SYT1: variants seen among roughly 807,000 people sequenced by gnomAD.
SYT1 encodes the protein synaptotagmin 1.
Under a neutral mutation model 44.8 loss-of-function variants are expected in SYT1, and 8 were observed. That is an observed-to-expected ratio of 0.18 (90% CI 0.10 to 0.32). The LOEUF is 0.32. Ranked by LOEUF, SYT1 falls within the 10% of genes least tolerant of loss-of-function variation. The pLI, the probability that SYT1 is intolerant of heterozygous loss-of-function variation, is 1.00. For missense variants in SYT1, 286 were observed against 509.3 expected (o/e 0.56, Z 4.22); for synonymous variants, 154 against 188.8 (o/e 0.82, Z 1.51).
At chr12:79,257,339 C>T (rs1401116371) in intron 4 of SYT1, among the ~76,000 whole-genome samples, 1 of 152,220 alleles carries the variant, frequency 6.6e-6, no homozygotes, top group African/African-American at 2.4e-5. Flanking sequence ...GTTTGTCGCA[C>T]AGCTAATATT....
chr12:79,398,323 T>C (rs968874712), intron 9 of SYT1, among the ~76,000 whole-genome samples: 8 of 152,226 alleles, frequency 5.3e-5, no homozygotes, highest in African/African-American at 1.7e-4. Flanking sequence ...TATTTAATAA[T>C]TGACTTGGCT....
At chr12:79,197,311 A>G (rs1297596837) in intron 3 of SYT1, among the ~76,000 whole-genome samples, 1 of 152,158 alleles carries the variant, frequency 6.6e-6, no homozygotes, top group African/African-American at 2.4e-5. Flanking sequence ...ATAATTGATG[A>G]GATCTTCAAG....
intron 2 of SYT1, among the ~76,000 whole-genome samples, chr12:78,992,227 A>G (rs987907621): frequency 6.6e-6 from 1 of 152,228 alleles, no homozygotes; most frequent in Admixed American, 6.5e-5. Flanking sequence ...GACCCTAGGC[A>G]AAGTGACTAA....
chr12:79,281,866 T>A (rs556116290), intron 4 of SYT1, among the ~76,000 whole-genome samples: 2 of 152,198 alleles, frequency 1.3e-5, no homozygotes, highest in Non-Finnish European at 2.9e-5. Context: ...TTTCCCATTC[T>A]GGAGGTCAGA....
chr12:78,951,981 G>T (rs766379417), intron 1 of SYT1, among the ~76,000 whole-genome samples: 72 of 152,208 alleles, frequency 4.7e-4, no homozygotes, highest in Non-Finnish European at 9.0e-4. Flanking sequence ...TCTGGTAACT[G>T]GTTGGTGGGA....
intron 3 of SYT1, among the ~76,000 whole-genome samples, chr12:79,083,879 G>A (rs1362445166): frequency 6.6e-6 from 1 of 152,134 alleles, no homozygotes; most frequent in African/African-American, 2.4e-5. Flanking sequence ...TTGTGTTCAT[G>A]GAAGTGGACA....
At chr12:79,212,247 AAACT>A in intron 3 of SYT1, among the ~76,000 whole-genome samples, 1 of 152,324 alleles carries the variant, frequency 6.6e-6, no homozygotes, top group South Asian at 2.1e-4. Flanking sequence ...CATTCTCAGC[AAACT>A]AACACAGGAA....
chr12:79,052,793 A>G (rs547872372), intron 3 of SYT1, among the ~76,000 whole-genome samples: 71 of 152,284 alleles, frequency 4.7e-4, no homozygotes, highest in African/African-American at 7.7e-4. Context: ...AATGCAAATC[A>G]AAACCACAAT....
At position 79,102,270 on chromosome 12, in the gene SYT1, T is replaced by C. The variant is rs200593640; in HGVS notation, c.-18+54908T>C. 1.5e-4 allele frequency among the ~76,000 whole-genome samples: 22 copies of C among 148,812 alleles called. No homozygotes were observed. In the East Asian group the frequency reaches 4.1e-3, roughly 28 times the overall value. On this transcript the variant is annotated intron_variant, in intron 3 of 10. Coordinates refer to ENST00000261205, the MANE Select transcript of SYT1 (RefSeq NM_005639.3). Reference sequence around the variant, plus strand: ...TCTCTTTCCTTCTCTCTCTCTCTCTTTCTCTCTCTCTCTCTCTCTGTCCTT... The same window carrying C: ...TCTCTTTCCTTCTCTCTCTCTCTCTCTCTCTCTCTCTCTCTCTCTGTCCTT...
At chr12:79,242,694 G>A (rs1876583712) in intron 4 of SYT1, among the ~76,000 whole-genome samples, 2 of 152,150 alleles carry the variant, frequency 1.3e-5, no homozygotes, top group Admixed American at 6.5e-5. Context: ...TCAAAACTTA[G>A]CCAAAACTAA....
chr12:79,004,242 T>A (rs1870933911), intron 2 of SYT1, among the ~76,000 whole-genome samples: 1 of 151,958 alleles, frequency 6.6e-6, no homozygotes, highest in Admixed American at 6.6e-5. Flanking sequence ...GCTATATTAT[T>A]ATTAAAAACA....
intron 4 of SYT1, among the ~76,000 whole-genome samples, chr12:79,230,355 T>C (rs969619967): frequency 6.6e-6 from 1 of 152,184 alleles, no homozygotes; most frequent in African/African-American, 2.4e-5. Flanking sequence ...TCATTGTGTC[T>C]TATTGTATAG....
At chr12:79,287,718 G>A (rs935683221) in intron 5 of SYT1, among the ~76,000 whole-genome samples, 1 of 152,066 alleles carries the variant, frequency 6.6e-6, no homozygotes, top group Non-Finnish European at 1.5e-5. Context: ...TCTGTATGAT[G>A]TAAAATTATA....
chr12:79,022,483 G>T (rs1030423846), intron 2 of SYT1, among the ~76,000 whole-genome samples: 2 of 151,654 alleles, frequency 1.3e-5, no homozygotes, highest in African/African-American at 4.8e-5. Flanking sequence ...GTTTTCTAGA[G>T]GTTACCTCCA....
chr12:78,864,093 A>T (rs538774516), upstream of SYT1: 9 of 152,548 alleles, frequency 5.9e-5, no homozygotes, highest in African/African-American at 2.2e-4. Context: ...GAAGAACAGC[A>T]TGATGAGCCT....
rs1458775998 is a variant in SYT1 at position 79,450,543 on chromosome 12, T to TC, written c.*1420dup. ...AATGACACTATTATGAAGCTACTAG[T>TC]CATTCCATAAGAGTCTTAAAGGACT... On this transcript the variant is annotated 3_prime_UTR_variant, in exon 11 of 11. Transcript: ENST00000261205. 1.3e-5 allele frequency: 2 copies of TC among 152,604 alleles called. No individual in the cohort carries two copies. The highest frequency in any genetic ancestry group is 2.4e-5 in the African/African-American group (1 of 41,438). 9.5% of individuals were successfully genotyped at this position (152,604 alleles called of 1,614,324 possible). A position where few individuals can be genotyped will look rare whatever the true frequency, so the allele number is the denominator to read the frequency against.
At chr12:79,268,045 G>C (rs1304723415) in intron 4 of SYT1, among the ~76,000 whole-genome samples, 1 of 152,134 alleles carries the variant, frequency 6.6e-6, no homozygotes, top group Non-Finnish European at 1.5e-5. Context: ...CCTGCAGTGA[G>C]AAACATCAGT....
At chr12:79,103,391 A>G (rs564169346) in intron 3 of SYT1, among the ~76,000 whole-genome samples, 2 of 152,224 alleles carry the variant, frequency 1.3e-5, no homozygotes, top group East Asian at 3.9e-4. Context: ...CAGAATAAGC[A>G]AAGTCCTAAA....
chr12:79,252,518 G>T (rs1877279429), intron 4 of SYT1, among the ~76,000 whole-genome samples: 1 of 152,104 alleles, frequency 6.6e-6, no homozygotes, highest in African/African-American at 2.4e-5. Flanking sequence ...TGACAGGGAA[G>T]TTGTGAATGG....
Sources: allele counts gnomAD v4.1 joint callset (sites outside exome capture counted in the v4.1 genomes callset), GRCh38; gene constraint gnomAD v4.1.1; transcripts MANE v1.5; gene names NCBI Gene and HGNC (gene_info 2026-07-23, HGNC 2026-07-21).